CORO2B: variants seen among roughly 807,000 people sequenced by gnomAD.
The protein encoded by CORO2B is coronin-2B.
CORO2B carries 26 observed loss-of-function variants against 58.8 expected under a neutral mutation model. The ratio of observed to expected loss-of-function variants is 0.44; its 90% CI spans 0.32 to 0.61. The LOEUF is 0.61. CORO2B is among the 20% of genes least tolerant of loss of function. The probability of loss-of-function intolerance (pLI) is 0.04; values close to 1 mark genes in which losing one functional copy is unlikely to be tolerated. For synonymous variants in CORO2B, 242 were observed against 253.8 expected, an observed-to-expected ratio of 0.95 and a Z score of 0.44; for missense variants, 460 against 645.1, an observed-to-expected ratio of 0.71 and a Z score of 3.11.
At chr15:68,565,756 C>T in the CORO2B span, among the ~76,000 whole-genome samples, 5 of 152,204 alleles carry the variant, frequency 3.3e-5, no homozygotes, top group East Asian at 1.9e-4. Context: ...CTCATGCTCA[C>T]GCCTCTCATT....
At chr15:68,717,201 C>A (rs557902844) in intron 8 of CORO2B, among the ~76,000 whole-genome samples, 1 of 152,002 alleles carries the variant, frequency 6.6e-6, no homozygotes, top group Non-Finnish European at 1.5e-5. Flanking sequence ...GTAATCCCAG[C>A]TACTTGGGAG....
At chr15:68,620,945 G>A (rs1900498763) in intron 1 of CORO2B, among the ~76,000 whole-genome samples, 1 of 152,220 alleles carries the variant, frequency 6.6e-6, no homozygotes, top group South Asian at 2.1e-4. Context: ...GCTCCACTTG[G>A]GAGCACAGCG....
chr15:68,694,710 A>G (rs1335914662), intron 2 of CORO2B, among the ~76,000 whole-genome samples: 1 of 152,156 alleles, frequency 6.6e-6, no homozygotes, highest in African/African-American at 2.4e-5. Context: ...CCCCAGGGAG[A>G]GTAGGTACAC....
rs577135443 is a variant in CORO2B at position 68,684,339 on chromosome 15, T to A, written c.217-10801T>A. ...TCCCCCAGTCCTCTTTGGAAGGCTTTTGTTTACTTGATTAATTGGCCAAAG... is the reference window on the plus strand; with the variant it reads ...TCCCCCAGTCCTCTTTGGAAGGCTTATGTTTACTTGATTAATTGGCCAAAG... On this transcript the variant is annotated intron_variant, in intron 2 of 11. Coordinates refer to ENST00000261861, the MANE Select transcript of CORO2B (RefSeq NM_006091.5). 3.3e-5 allele frequency among the ~76,000 whole-genome samples: 5 copies of A among 152,308 alleles called. No homozygotes were observed. In the South Asian group the frequency reaches 1.0e-3, roughly 32 times the overall value.
At chr15:68,541,383 G>A in the CORO2B span, among the ~76,000 whole-genome samples, 3 of 152,120 alleles carry the variant, frequency 2.0e-5, no homozygotes, top group African/African-American at 7.2e-5. Context: ...GCATCAGAAG[G>A]ATATAGTACA....
chr15:68,711,470 T>G, intron 4 of CORO2B, 72 bp from the exon 5 acceptor site: 5 of 1,405,416 alleles, frequency 3.6e-6, no homozygotes, highest in Non-Finnish European at 4.9e-6. Flanking sequence ...GGCAGTCAAG[T>G]GTGCACTGGG....
At chr15:68,587,485 G>T (rs1899597776) in intron 1 of CORO2B, among the ~76,000 whole-genome samples, 1 of 152,090 alleles carries the variant, frequency 6.6e-6, no homozygotes, top group Non-Finnish European at 1.5e-5. Flanking sequence ...TGCCTGTACG[G>T]CACTCTACAC....
intron 2 of CORO2B, among the ~76,000 whole-genome samples, chr15:68,660,336 T>G (rs1334793236): frequency 6.6e-6 from 1 of 152,204 alleles, no homozygotes; most frequent in East Asian, 1.9e-4. Context: ...TGTTCATTCC[T>G]CTAGTGTGAT....
chr15:68,667,730 A>C (rs1902240445), intron 2 of CORO2B, among the ~76,000 whole-genome samples: 2 of 152,114 alleles, frequency 1.3e-5, no homozygotes, highest in African/African-American at 4.8e-5. Flanking sequence ...TGCACTGAAG[A>C]TGGGCGGGGG....
At chr15:68,695,060 G>C in intron 2 of CORO2B, 80 bp from the exon 3 acceptor site, 1 of 1,074,582 alleles carries the variant, frequency 9.3e-7, no homozygotes, top group South Asian at 1.3e-5. Flanking sequence ...GAGAGGCCCA[G>C]AAAAAAGGTG....
Position 68,579,022 on chromosome 15 carries a change from A to C in CORO2B, c.-241A>C. The C allele has an allele frequency of 9.2e-6, 9 of 981,384 alleles. No homozygotes were observed. The highest frequency in any genetic ancestry group is 1.1e-5 in the Non-Finnish European group (9 of 829,306). The allele number at this position is 981,384 out of a possible 1,614,324, so 60.8% of individuals were successfully genotyped here. On this transcript the variant is annotated 5_prime_UTR_variant, in exon 1 of 12. Coordinates refer to ENST00000261861, the MANE Select transcript of CORO2B (RefSeq NM_006091.5). ...CTGCCTCGCCTTCCTGCGGCGAAGG[A>C]GGCTCATCTATTATAAATGCACATT...
the CORO2B span, among the ~76,000 whole-genome samples, chr15:68,536,962 G>T: frequency 6.6e-6 from 1 of 152,290 alleles, no homozygotes; most frequent in East Asian, 1.9e-4. Flanking sequence ...GTGGTGTATC[G>T]AGATTGAAGG....
At chr15:68,546,706 A>G in the CORO2B span, among the ~76,000 whole-genome samples, 1 of 152,190 alleles carries the variant, frequency 6.6e-6, no homozygotes, top group Non-Finnish European at 1.5e-5. Context: ...TGAATGATGA[A>G]TGTGGCCTTG....
At chr15:68,596,825 G>T (rs1899842247) in intron 1 of CORO2B, among the ~76,000 whole-genome samples, 1 of 152,140 alleles carries the variant, frequency 6.6e-6, no homozygotes, top group Non-Finnish European at 1.5e-5. Flanking sequence ...GGGGAGAAAT[G>T]GCCGCGCATC....
At chr15:68,593,657 GT>G (rs1327421893) in intron 1 of CORO2B, among the ~76,000 whole-genome samples, 1 of 151,612 alleles carries the variant, frequency 6.6e-6, no homozygotes, top group African/African-American at 2.4e-5. Context: ...CCCTCTCTGG[GT>G]TTGTTTTTTT....
intron 2 of CORO2B, among the ~76,000 whole-genome samples, chr15:68,662,296 G>T (rs897302482): frequency 1.3e-5 from 2 of 152,080 alleles, no homozygotes; most frequent in Admixed American, 1.3e-4. Flanking sequence ...GAATCTATAG[G>T]TTATACCTTT....
At chr15:68,687,966 C>T (rs1903041017) in intron 2 of CORO2B, among the ~76,000 whole-genome samples, 1 of 152,214 alleles carries the variant, frequency 6.6e-6, no homozygotes, top group Admixed American at 6.5e-5. Context: ...ACTAAGTTTC[C>T]AACACATGAA....
the CORO2B span, among the ~76,000 whole-genome samples, chr15:68,539,141 G>T: frequency 6.6e-6 from 1 of 152,168 alleles, no homozygotes; most frequent in Non-Finnish European, 1.5e-5. Flanking sequence ...AGACAGCAGA[G>T]CTGGGCTCTA....
In CORO2B at chr15:68,645,174, G is replaced by A. The variant is rs374961909; in HGVS notation, c.30G>A (p.Pro10=). The part of the protein sequence containing the change: MTVTKMSWR[P]QYRSSKFRNV... ...GCCCCTCACAGATGTCCTGGCGTCC[G>A]CAATACCGTAGCTCCAAGTTCCGGA... The change falls in exon 2 of 12, where the codon CCG becomes CCA. Residue 10 remains proline (P), a synonymous_variant. Transcript: ENST00000261861. The surrounding 1 kb of genome is among the most constrained non-coding windows in gnomAD (Gnocchi z 4.5). 2.5e-5 allele frequency: 41 copies of A among 1,614,054 alleles called. No homozygotes were observed. Among genetic ancestry groups the A allele is most frequent in the East Asian group, 2.0e-4 (9 of 44,862 alleles).
Sources: gnomAD v4.1 joint callset for allele counts (sites outside exome capture counted in the v4.1 genomes callset) on GRCh38, gnomAD v4.1.1 for gene constraint, Gnocchi (gnomAD v3.1) non-coding constraint, MANE v1.5 for transcripts, NCBI Gene and HGNC (gene_info 2026-07-23, HGNC 2026-07-21) for gene names.